The following LUZP2 variants were observed in gnomAD, a reference collection of about 807,000 sequenced individuals.
LUZP2 encodes leucine zipper protein 2.
LUZP2 carries 52 observed loss-of-function variants against 51.6 expected under a neutral mutation model. The observed-to-expected ratio is 1.01, with a 90% CI of 0.81 to 1.27. The LOEUF (loss-of-function observed/expected upper bound fraction) is 1.27, where lower values mean the gene tolerates loss of function less well. LUZP2 is among the 50% of genes most tolerant of loss of function. The pLI is 0.00. For synonymous variants in LUZP2, 154 were observed against 137.3 expected (o/e 1.12, Z -0.85); for missense variants, 436 against 395.4 (o/e 1.10, Z -0.87).
chr11:24,732,101 T>G lies in LUZP2; in HGVS notation c.181-17T>G. On this transcript the variant is annotated splice_polypyrimidine_tract_variant and intron_variant, in intron 2 of 11. Coordinates refer to ENST00000336930, the MANE Select transcript of LUZP2 (RefSeq NM_001009909.4). The stretch of plus-strand genomic sequence containing the variant: ...TCTCACCTGAATAAAACTTCATTTT[T>G]CCACTTTTCTTATCAGTCCTTAAAA... 2 of 1,593,558 alleles carry G rather than the reference T, an allele frequency of 1.3e-6. No homozygotes were observed. Among genetic ancestry groups the G allele is most frequent in the Non-Finnish European group, 1.7e-6 (2 of 1,167,904 alleles).
At chr11:24,584,219 C>T (rs1852979668) in intron 1 of LUZP2, among the ~76,000 whole-genome samples, 1 of 152,060 alleles carries the variant, frequency 6.6e-6, no homozygotes, top group East Asian at 1.9e-4. Flanking sequence ...TGAAGCCTGC[C>T]AGCTTCTTTG....
intron 1 of LUZP2, among the ~76,000 whole-genome samples, chr11:24,566,485 T>A (rs541964020): frequency 6.7e-6 from 1 of 149,308 alleles, no homozygotes; most frequent in Non-Finnish European, 1.5e-5. Context: ...CGTGCCACCA[T>A]GCCCAGATAA....
At chr11:24,633,391 T>C (rs890565405) in intron 1 of LUZP2, among the ~76,000 whole-genome samples, 3 of 152,010 alleles carry the variant, frequency 2.0e-5, no homozygotes, top group South Asian at 2.1e-4. Flanking sequence ...AGTTAGGCCA[T>C]TGAAACATTT....
At chr11:24,920,201 A>G (rs569455897) in intron 7 of LUZP2, among the ~76,000 whole-genome samples, 1 of 151,962 alleles carries the variant, frequency 6.6e-6, no homozygotes, top group Admixed American at 6.6e-5. Flanking sequence ...ACATTTTGAT[A>G]GTTTTGTGAT....
intron 1 of LUZP2, among the ~76,000 whole-genome samples, chr11:24,606,730 G>C (rs1468195554): frequency 6.6e-6 from 1 of 151,924 alleles, no homozygotes; most frequent in Non-Finnish European, 1.5e-5. Context: ...ACTTCATACT[G>C]TTTTTCGTAT....
chr11:24,866,228 A>G (rs976868570), intron 5 of LUZP2, among the ~76,000 whole-genome samples: 1 of 152,088 alleles, frequency 6.6e-6, no homozygotes, highest in Non-Finnish European at 1.5e-5. Context: ...TAGTCCACTT[A>G]TCTCCACTAA....
chr11:24,714,524 G>T (rs999051285), intron 1 of LUZP2, among the ~76,000 whole-genome samples: 1 of 151,978 alleles, frequency 6.6e-6, no homozygotes, highest in Non-Finnish European at 1.5e-5. Flanking sequence ...CCCATAATTA[G>T]AAATAGAAAG....
At chr11:24,520,115 G>T (rs1850597132) in intron 1 of LUZP2, among the ~76,000 whole-genome samples, 1 of 152,176 alleles carries the variant, frequency 6.6e-6, no homozygotes, top group South Asian at 2.1e-4. Flanking sequence ...TAGTTTTGGA[G>T]AATTTTGAAT....
chr11:24,986,470 T>C (rs1293550020), intron 9 of LUZP2, among the ~76,000 whole-genome samples: 1 of 151,448 alleles, frequency 6.6e-6, no homozygotes, highest in Non-Finnish European at 1.5e-5. Context: ...ACATTTATAC[T>C]GTAGAAATTG....
At chr11:24,654,925 A>AT (rs1025180692) in intron 1 of LUZP2, among the ~76,000 whole-genome samples, 1 of 151,630 alleles carries the variant, frequency 6.6e-6, no homozygotes, top group Non-Finnish European at 1.5e-5. Context: ...CATTTACCCT[A>AT]TTTTTTTCTC....
intron 1 of LUZP2, among the ~76,000 whole-genome samples, chr11:24,501,928 A>T (rs1458282247): frequency 2.0e-5 from 3 of 152,196 alleles, no homozygotes; most frequent in African/African-American, 7.2e-5. Context: ...CTTTCCAAGG[A>T]TATTGAAAAG....
intron 7 of LUZP2, among the ~76,000 whole-genome samples, chr11:24,942,416 C>T (rs188116704): frequency 3.3e-4 from 50 of 152,192 alleles, no homozygotes; most frequent in Middle Eastern, 3.4e-3. Context: ...TGAGTAGTGA[C>T]GAGCGTATGG....
chr11:24,666,341 CT>C (rs1856211688), intron 1 of LUZP2, among the ~76,000 whole-genome samples: 1 of 152,100 alleles, frequency 6.6e-6, no homozygotes, highest in Non-Finnish European at 1.5e-5. Flanking sequence ...TAGTTAACTC[CT>C]TTCTCACCAG....
At chr11:24,598,995 A>G (rs779510198) in intron 1 of LUZP2, among the ~76,000 whole-genome samples, 10 of 152,144 alleles carry the variant, frequency 6.6e-5, no homozygotes, top group Non-Finnish European at 1.2e-4. Context: ...CATTCAGTAC[A>G]TGTGGGAACC....
At chr11:24,784,428 T>C (rs916269000) in intron 5 of LUZP2, among the ~76,000 whole-genome samples, 4 of 151,996 alleles carry the variant, frequency 2.6e-5, no homozygotes, top group African/African-American at 9.7e-5. Context: ...TTAATGGTGT[T>C]GGTTCTATTA....
intron 5 of LUZP2, among the ~76,000 whole-genome samples, chr11:24,864,260 G>T (rs1349346038): frequency 6.6e-6 from 1 of 152,074 alleles, no homozygotes; most frequent in African/African-American, 2.4e-5. Flanking sequence ...CTTCATCAAG[G>T]AGGATTATTG....
intron 4 of LUZP2, among the ~76,000 whole-genome samples, chr11:24,741,621 G>A (rs1274498257): frequency 6.6e-6 from 1 of 150,670 alleles, no homozygotes; most frequent in Non-Finnish European, 1.5e-5. Flanking sequence ...ATAACTTTGC[G>A]TCCTCATAGC....
At chr11:24,615,154 A>G (rs1375387057) in intron 1 of LUZP2, among the ~76,000 whole-genome samples, 2 of 151,970 alleles carry the variant, frequency 1.3e-5, no homozygotes, top group African/African-American at 4.8e-5. Context: ...TAATACAGAG[A>G]AATTCCATGT....
intron 4 of LUZP2, among the ~76,000 whole-genome samples, chr11:24,760,969 T>A (rs527369393): frequency 1.2e-4 from 19 of 152,306 alleles, no homozygotes; most frequent in African/African-American, 4.6e-4. Context: ...AGCTGAGAAC[T>A]AGCCAGTTTT....
Sources: gnomAD v4.1 joint callset for allele counts (sites outside exome capture counted in the v4.1 genomes callset) on GRCh38, gnomAD v4.1.1 for gene constraint, MANE v1.5 for transcripts, NCBI Gene and HGNC (gene_info 2026-07-23, HGNC 2026-07-21) for gene names.